Variants in FSTL5 observed in about 807,000 individuals in gnomAD.
FSTL5 encodes follistatin like 5, also known as follistatin-related protein 5.
FSTL5 carries 62 observed loss-of-function variants against 89.1 expected under a neutral mutation model. The observed-to-expected ratio is 0.70, with a 90% CI of 0.57 to 0.86. FSTL5 has a LOEUF of 0.86. Ranked by LOEUF, FSTL5 falls within the 40% of genes least tolerant of loss-of-function variation. The pLI is 0.00. For missense variants in FSTL5, 1,057 were observed against 1,001.6 expected, an observed-to-expected ratio of 1.06 and a Z score of -0.75; for synonymous variants, 383 against 346.2, an observed-to-expected ratio of 1.11 and a Z score of -1.18.
At chr4:161,569,899 G>T (rs1209655214) in intron 8 of FSTL5, among the ~76,000 whole-genome samples, 1 of 152,002 alleles carries the variant, frequency 6.6e-6, no homozygotes, top group Non-Finnish European at 1.5e-5. Context: ...CTGAGTTGGG[G>T]CCTAGCAATC....
At chr4:161,805,190 T>A (rs1729925388) in intron 4 of FSTL5, among the ~76,000 whole-genome samples, 1 of 152,098 alleles carries the variant, frequency 6.6e-6, no homozygotes, top group Admixed American at 6.6e-5. Flanking sequence ...AATTTTTGCA[T>A]GAGTTCTTTC....
chr4:161,600,765 C>T (rs1734202328), intron 7 of FSTL5, among the ~76,000 whole-genome samples: 1 of 152,138 alleles, frequency 6.6e-6, no homozygotes, highest in South Asian at 2.1e-4. Context: ...CCTGGTAACT[C>T]TTGTATCATT....
intron 3 of FSTL5, among the ~76,000 whole-genome samples, chr4:162,030,958 T>C (rs1737497688): frequency 6.6e-6 from 1 of 152,176 alleles, no homozygotes; most frequent in Non-Finnish European, 1.5e-5. Context: ...TAATAATAGT[T>C]ACAAAATTCT....
intron 4 of FSTL5, among the ~76,000 whole-genome samples, chr4:161,918,815 T>A (rs1422177515): frequency 6.6e-6 from 1 of 151,978 alleles, no homozygotes; most frequent in Non-Finnish European, 1.5e-5. Context: ...AGCTAATTTT[T>A]GTATTTTTGT....
intron 2 of FSTL5, among the ~76,000 whole-genome samples, chr4:162,095,172 A>C (rs1335682430): frequency 2.6e-5 from 4 of 152,138 alleles, no homozygotes; most frequent in Non-Finnish European, 5.9e-5. Flanking sequence ...ATAAAATTAC[A>C]TTGAATAATA....
At chr4:162,151,074 C>T (rs1262301891) in intron 1 of FSTL5, among the ~76,000 whole-genome samples, 2 of 151,994 alleles carry the variant, frequency 1.3e-5, no homozygotes, top group Non-Finnish European at 2.9e-5. Flanking sequence ...TCACATGAAG[C>T]TATGTTAAAT....
At chr4:161,914,992 T>C (rs998685056) in intron 4 of FSTL5, among the ~76,000 whole-genome samples, 1 of 152,148 alleles carries the variant, frequency 6.6e-6, no homozygotes, top group Non-Finnish European at 1.5e-5. Flanking sequence ...TTAAGAAACA[T>C]AGGCAAGTGA....
chr4:162,121,756 G>A (rs1731872672), intron 1 of FSTL5, among the ~76,000 whole-genome samples: 1 of 151,988 alleles, frequency 6.6e-6, no homozygotes, highest in African/African-American at 2.4e-5. Context: ...AGACTGGTGT[G>A]AATTGCACGG....
intron 2 of FSTL5, among the ~76,000 whole-genome samples, chr4:162,098,864 A>G (rs1455744484): frequency 6.6e-6 from 1 of 152,116 alleles, no homozygotes; most frequent in Non-Finnish European, 1.5e-5. Context: ...ACAACTGCAC[A>G]TCTACATGCA....
At chr4:162,001,270 T>C (rs922249547) in intron 3 of FSTL5, among the ~76,000 whole-genome samples, 2 of 152,174 alleles carry the variant, frequency 1.3e-5, no homozygotes, top group Non-Finnish European at 2.9e-5. Flanking sequence ...TTTCCTGTTG[T>C]AGAGATAGAG....
chr4:161,421,030 G>A (rs1731972167), intron 15 of FSTL5, among the ~76,000 whole-genome samples: 1 of 152,034 alleles, frequency 6.6e-6, no homozygotes, highest in South Asian at 2.1e-4. Flanking sequence ...TACAGACAGT[G>A]TAAATGTTAT....
At chr4:161,483,836 T>G (rs1729595798) in intron 12 of FSTL5, among the ~76,000 whole-genome samples, 1 of 152,088 alleles carries the variant, frequency 6.6e-6, no homozygotes, top group Admixed American at 6.6e-5. Flanking sequence ...TCAAAGAGTA[T>G]TATTAAATCG....
intron 4 of FSTL5, among the ~76,000 whole-genome samples, chr4:161,797,236 G>T (rs1473597932): frequency 6.6e-6 from 1 of 151,528 alleles, no homozygotes; most frequent in East Asian, 1.9e-4. Flanking sequence ...GATTTCTGAG[G>T]GTTGACTTTT....
At chr4:161,624,611 G>A (rs1169287630) in intron 7 of FSTL5, among the ~76,000 whole-genome samples, 1 of 151,396 alleles carries the variant, frequency 6.6e-6, no homozygotes, top group Non-Finnish European at 1.5e-5. Context: ...TATTATGATT[G>A]TATGCTCTTC....
At chr4:161,711,795 A>G (rs1738790102) in intron 6 of FSTL5, among the ~76,000 whole-genome samples, 1 of 152,206 alleles carries the variant, frequency 6.6e-6, no homozygotes, top group Non-Finnish European at 1.5e-5. Context: ...AGTGGGATTC[A>G]TCTCATGAAT....
chr4:161,481,934 A>T (rs1729524810), intron 12 of FSTL5, among the ~76,000 whole-genome samples: 1 of 152,210 alleles, frequency 6.6e-6, no homozygotes, highest in South Asian at 2.1e-4. Flanking sequence ...CATAAGTAAA[A>T]GCGTATGAAA....
chr4:162,002,968 C>A (rs756774548), intron 3 of FSTL5, among the ~76,000 whole-genome samples: 1 of 151,916 alleles, frequency 6.6e-6, no homozygotes, highest in Non-Finnish European at 1.5e-5. Context: ...CACAGTGAAA[C>A]CCCGTCTCTA....
chr4:161,557,311 AT>A, intron 8 of FSTL5, among the ~76,000 whole-genome samples: 1 of 151,610 alleles, frequency 6.6e-6, no homozygotes, highest in East Asian at 2.0e-4. Context: ...ATTTTTCCTC[AT>A]TTTTTATTAT....
At chr4:161,904,185 A>AG (rs1445314674) in intron 4 of FSTL5, among the ~76,000 whole-genome samples, 1 of 152,056 alleles carries the variant, frequency 6.6e-6, no homozygotes, top group African/African-American at 2.4e-5. Flanking sequence ...AAAAAAAAAG[A>AG]GAAAAAAATC....
Sources: allele counts gnomAD v4.1 joint callset (sites outside exome capture counted in the v4.1 genomes callset), GRCh38; gene constraint gnomAD v4.1.1; transcripts MANE v1.5; gene names NCBI Gene and HGNC (gene_info 2026-07-23, HGNC 2026-07-21).